DLG4: variants seen among roughly 807,000 people sequenced by gnomAD.
DLG4 encodes the protein discs large MAGUK scaffold protein 4, also known as disks large homolog 4.
In DLG4, 7 loss-of-function variants were observed where a neutral mutation model predicts 93.8. That is an observed-to-expected ratio of 0.07 (90% CI 0.04 to 0.14). DLG4 has a LOEUF of 0.14. Ranked by LOEUF, DLG4 falls within the 10% of genes least tolerant of loss-of-function variation. DLG4 has a pLI of 1.00. For missense variants in DLG4, 545 were observed against 992.9 expected, an observed-to-expected ratio of 0.55 and a Z score of 6.06; for synonymous variants, 341 against 387.6, an observed-to-expected ratio of 0.88 and a Z score of 1.41.
At position 7,188,469 on chromosome 17, in the gene DLG4, G is replaced by T. The variant is rs1433600518; in HGVS notation, c.*2239C>A. On this transcript the variant is annotated 3_prime_UTR_variant, in exon 20 of 20. Coordinates refer to ENST00000399506, the MANE Select transcript of DLG4 (RefSeq NM_001321075.3). ...CCCACTGGAGCACCTGAGAATCAGA[G>T]AAAGGAATAGTACCCCAGCAGGTGC... 1.3e-5 allele frequency among the ~76,000 whole-genome samples: 2 copies of T among 152,158 alleles called. No homozygotes were observed. Among genetic ancestry groups the T allele is most frequent in the Non-Finnish European group, 2.9e-5 (2 of 68,042 alleles).
rs375667428 is a variant in DLG4, at chr17:7,196,739, G to A, written c.1083+18C>T. On this transcript the variant is annotated intron_variant, in intron 9 of 19. Transcript: ENST00000399506. The surrounding 1 kb of genome is among the most constrained non-coding windows in gnomAD (Gnocchi z 8.3). ...TGTGGGGAGGGGGTGGTGCAGGTAG[G>A]GGCAGGCCTTCCCTCACCGACAGGA... 1.2e-3 allele frequency: 1,978 copies of A among 1,594,312 alleles called. 5 individuals carry two copies. Among genetic ancestry groups the A allele is most frequent in the Non-Finnish European group, 1.5e-3 (1,771 of 1,170,434 alleles).
chr17:7,190,431 A>G lies in DLG4; in HGVS notation c.*277T>C, dbSNP rs568548018. On this transcript the variant is annotated 3_prime_UTR_variant, in exon 20 of 20. Transcript: ENST00000399506. ...GTGGGTCTGTGTGTGCATTGGGGGC[A>G]GGTGGGGGCGGGGATCCTAAGGAGC... 355 of 446,682 alleles carry G rather than the reference A, an allele frequency of 7.9e-4. No homozygotes were observed. Among genetic ancestry groups the G allele is most frequent in the Non-Finnish European group, 1.3e-3 (320 of 243,014 alleles). The allele number at this position is 446,682 out of a possible 1,614,324, so 27.7% of individuals were successfully genotyped here.
intron 1 of DLG4, among the ~76,000 whole-genome samples, chr17:7,215,753 CAT>C (rs948499693): frequency 6.6e-6 from 1 of 152,158 alleles, no homozygotes; most frequent in Non-Finnish European, 1.5e-5. Context: ...TGTGTACACA[CAT>C]GTGTGAGTTT....
At chr17:7,204,966 A>T (rs749106344) in intron 2 of DLG4, 7 of 985,624 alleles carry the variant, frequency 7.1e-6, no homozygotes, top group Non-Finnish European at 8.4e-6. Context: ...CCCTGTCGTC[A>T]GGACAACAGG....
In DLG4 at chr17:7,195,415, G is replaced by T. The variant is rs1261636248; in HGVS notation, c.1301+805C>A. 6.6e-6 allele frequency among the ~76,000 whole-genome samples: 1 copy of T among 152,190 alleles called. No homozygotes were observed. Among genetic ancestry groups the T allele is most frequent in the African/African-American group, 2.4e-5 (1 of 41,446 alleles). ...GAAGGGCAGAGCAAGGGCTCAGGTGGGAGCCAGTGTCTGGGTGGCTGGTGA... is the reference window on the plus strand; with the variant it reads ...GAAGGGCAGAGCAAGGGCTCAGGTGTGAGCCAGTGTCTGGGTGGCTGGTGA... On this transcript the variant is annotated intron_variant, in intron 11 of 19. Coordinates refer to ENST00000399506, the MANE Select transcript of DLG4 (RefSeq NM_001321075.3). This position sits in a 1 kb window ranked among gnomAD's most constrained non-coding sequence, Gnocchi z 4.3.
chr17:7,209,125 G>A (rs368574842), intron 1 of DLG4, among the ~76,000 whole-genome samples: 10 of 152,186 alleles, frequency 6.6e-5, no homozygotes, highest in African/African-American at 9.7e-5. Flanking sequence ...CTGAGCCTCA[G>A]AGTGAATTTC....
At chr17:7,218,848 ATC>A (rs1479313578), upstream of DLG4, 1 of 1,613,566 alleles carries the variant, frequency 6.2e-7, no homozygotes, top group South Asian at 1.1e-5. Context: ...TCTCTGGGAC[ATC>A]TCTCTCTTCT....
chr17:7,219,791 A>G, upstream of DLG4: 2 of 1,505,784 alleles, frequency 1.3e-6, no homozygotes, highest in Admixed American at 4.2e-5. Flanking sequence ...ACGCTTGGAG[A>G]TCCCTCTAAG....
At chr17:7,218,213 A>T, upstream of DLG4, 1 of 1,597,292 alleles carries the variant, frequency 6.3e-7, no homozygotes, top group Non-Finnish European at 8.5e-7. Context: ...CCCCTCAGGA[A>T]GTTAGGCGCT....
chr17:7,205,008 T>A, intron 2 of DLG4: 1 of 984,076 alleles, frequency 1.0e-6, no homozygotes, highest in Non-Finnish European at 1.2e-6. Context: ...CCGACCAAAC[T>A]CCTGAGCGCA....
upstream of DLG4, chr17:7,217,766 AGGCAAACATGGAGACCT>A (rs1001019087): frequency 6.5e-7 from 1 of 1,535,256 alleles, no homozygotes; most frequent in African/African-American, 1.4e-5. Context: ...GAGGCCCCTG[AGGCAAACATGGAGACCT>A]GGCCAGCCAC....
Position 7,191,936 on chromosome 17 carries a change from G to A in DLG4, c.1933C>T (p.Pro645Ser). Reference sequence around the variant, plus strand: ...CGGGGGCGGATGAAGATGGCGATGGGGTGCAGGTGGGCCGCCTGCAGCCGC... The same window carrying A: ...CGGGGGCGGATGAAGATGGCGATGGAGTGCAGGTGGGCCGCCTGCAGCCGC... Reference protein sequence around the residue: ...VRRLQAAHLHPIAIFIRPRSL... With the variant: ...VRRLQAAHLHSIAIFIRPRSL... The change falls in exon 18 of 20, where the codon CCC becomes TCC. Residue 645 changes from proline (P) to serine (S), a missense_variant. This residue lies in a region of DLG4 where 428 missense variants were observed against 741.4 expected (regional missense o/e 0.58). Transcript: ENST00000399506. The surrounding 1 kb of genome is among the most constrained non-coding windows in gnomAD (Gnocchi z 6.6). 1 of 1,497,360 alleles carries A rather than the reference G, an allele frequency of 6.7e-7. No homozygotes were observed. The highest frequency in any genetic ancestry group is 8.9e-7 in the Non-Finnish European group (1 of 1,120,212). The allele number at this position is 1,497,360 out of a possible 1,614,324, so 92.8% of individuals were successfully genotyped here. A position where few individuals can be genotyped will look rare whatever the true frequency, so the allele number is the denominator to read the frequency against.
chr17:7,213,573 C>CAAT (rs2070792429), intron 1 of DLG4, among the ~76,000 whole-genome samples: 1 of 152,158 alleles, frequency 6.6e-6, no homozygotes, highest in African/African-American at 2.4e-5. Flanking sequence ...CGGCAATCTG[C>CAAT]AATGACCCAC....
Position 7,194,242 on chromosome 17 carries a change from T to C in DLG4, c.1478+77A>G. On this transcript the variant is annotated intron_variant, in intron 12 of 19. Coordinates refer to ENST00000399506, the MANE Select transcript of DLG4 (RefSeq NM_001321075.3). This position sits in a 1 kb window ranked among gnomAD's most constrained non-coding sequence, Gnocchi z 4.4. ...GAGTTCAGAGGGCAAACCCATCCCCTGTTGGCTGCCCACCCCGGGGGACCT... is the reference window on the plus strand; with the variant it reads ...GAGTTCAGAGGGCAAACCCATCCCCCGTTGGCTGCCCACCCCGGGGGACCT... The C allele has an allele frequency of 6.6e-7, 1 of 1,519,066 alleles. No individual in the cohort carries two copies. Among genetic ancestry groups the C allele is most frequent in the South Asian group, 1.3e-5 (1 of 78,750 alleles). 94.1% of individuals were successfully genotyped at this position (1,519,066 alleles called of 1,614,324 possible).
chr17:7,217,082 C>T, intron 1 of DLG4, 36 bp downstream of exon 1: 3 of 1,275,892 alleles, frequency 2.4e-6, no homozygotes, highest in Non-Finnish European at 3.0e-6. Flanking sequence ...AAACTCATAC[C>T]CTCCCCCCAG....
At chr17:7,205,981 C>T (rs1205318242) in intron 2 of DLG4, among the ~76,000 whole-genome samples, 1 of 151,840 alleles carries the variant, frequency 6.6e-6, no homozygotes, top group Admixed American at 6.6e-5. Context: ...ATCCCTGTCT[C>T]GCCCTTCAAC....
chr17:7,213,288 C>CG (rs895183183), intron 1 of DLG4, among the ~76,000 whole-genome samples: 1 of 151,708 alleles, frequency 6.6e-6, no homozygotes, highest in African/African-American at 2.4e-5. Context: ...TTAGTAGAGA[C>CG]GGGGTATCGC....
At position 7,194,017 on chromosome 17, in the gene DLG4, G is replaced by A; in HGVS notation, c.1479-17C>T. 2 of 1,612,858 alleles carry A rather than the reference G, an allele frequency of 1.2e-6. No individual in the cohort carries two copies. Among genetic ancestry groups the A allele is most frequent in the Non-Finnish European group, 1.7e-6 (2 of 1,179,482 alleles). The stretch of plus-strand genomic sequence containing the variant: ...CGCTCAACCCTGTGGGATACATGGA[G>A]GGATACGCGGGTAGGGGAATGCCTA... On this transcript the variant is annotated splice_polypyrimidine_tract_variant and intron_variant, in intron 12 of 19. Coordinates refer to ENST00000399506, the MANE Select transcript of DLG4 (RefSeq NM_001321075.3). This position sits in a 1 kb window ranked among gnomAD's most constrained non-coding sequence, Gnocchi z 4.4.
Position 7,187,968 on chromosome 17 carries a change from G to A in DLG4, c.*2740C>T, listed in dbSNP as rs2069336483. Among the ~76,000 whole-genome samples, 1 of 151,816 alleles carries A rather than the reference G, an allele frequency of 6.6e-6. No individual in the cohort carries two copies. The highest frequency in any genetic ancestry group is 6.6e-5 in the Admixed American group (1 of 15,232). ...ATCTGTAATCCCAGCTACTTGGGAA[G>A]CTGAGGCAGGAGAATCACTTGAACC... On this transcript the variant is annotated 3_prime_UTR_variant, in exon 20 of 20. Coordinates refer to ENST00000399506, the MANE Select transcript of DLG4 (RefSeq NM_001321075.3).
Sources: allele counts gnomAD v4.1 joint callset (sites outside exome capture counted in the v4.1 genomes callset), GRCh38; gene constraint gnomAD v4.1.1; regional missense constraint gnomAD v4.1.1; non-coding constraint Gnocchi (gnomAD v3.1); transcripts MANE v1.5; gene names NCBI Gene and HGNC (gene_info 2026-07-23, HGNC 2026-07-21).